TLL1: variants seen among roughly 807,000 people sequenced by gnomAD.
The protein encoded by TLL1 is tolloid-like protein 1.
Under a neutral mutation model 128.2 loss-of-function variants are expected in TLL1, and 49 were observed. The ratio of observed to expected loss-of-function variants is 0.38; its 90% CI spans 0.30 to 0.48. The LOEUF (loss-of-function observed/expected upper bound fraction) is 0.48, where lower values mean the gene tolerates loss of function less well. Among genes scored for constraint, TLL1 ranks in the 20% least tolerant of loss-of-function variants. The pLI is 0.96. For synonymous variants in TLL1, 454 were observed against 418.8 expected, an observed-to-expected ratio of 1.08 and a Z score of -1.03; for missense variants, 1,123 against 1,242.0, an observed-to-expected ratio of 0.90 and a Z score of 1.44.
chr4:166,092,068 AG>A, intron 19 of TLL1, among the ~76,000 whole-genome samples: 1 of 152,110 alleles, frequency 6.6e-6, no homozygotes, highest in East Asian at 1.9e-4. Flanking sequence ...AATGTATATT[AG>A]CTAGTCATTT....
intron 9 of TLL1, among the ~76,000 whole-genome samples, chr4:166,033,837 G>GTA (rs1235388197): frequency 6.6e-6 from 1 of 152,110 alleles, no homozygotes; most frequent in Non-Finnish European, 1.5e-5. Context: ...GAAGCGCATG[G>GTA]TATTGATTCT....
At position 165,874,270 on chromosome 4, in the gene TLL1, C is replaced by CTGTG. The variant is rs201398306; in HGVS notation, c.169+198_169+201dup. On this transcript the variant is annotated intron_variant, in intron 1 of 20. Coordinates refer to ENST00000061240, the MANE Select transcript of TLL1 (RefSeq NM_012464.5). Reference sequence around the variant, plus strand: ...GCTGCGGCCCCAGTTGACTAGAGTTCTGTGCCAGTGGGATCCACTGCCAAG... The same window carrying CTGTG: ...GCTGCGGCCCCAGTTGACTAGAGTTCTGTGTGTGCCAGTGGGATCCACTGCCAAG... 6.2e-3 allele frequency among the ~76,000 whole-genome samples: 940 copies of CTGTG among 151,954 alleles called. 14 individuals are homozygous for CTGTG. Among genetic ancestry groups the CTGTG allele is most frequent in the African/African-American group, 0.022 (915 of 41,416 alleles).
At chr4:166,072,822 TA>T in intron 16 of TLL1, among the ~76,000 whole-genome samples, 1 of 152,150 alleles carries the variant, frequency 6.6e-6, no homozygotes, top group South Asian at 2.1e-4. Context: ...TAGGTACCAA[TA>T]AAAGGGTGAT....
chr4:165,882,691 T>C (rs1731013195), intron 1 of TLL1, among the ~76,000 whole-genome samples: 1 of 152,116 alleles, frequency 6.6e-6, no homozygotes, highest in Non-Finnish European at 1.5e-5. Context: ...TGATCTCAGC[T>C]CACTGCAACC....
At chr4:165,964,346 G>A (rs1735265168) in intron 1 of TLL1, among the ~76,000 whole-genome samples, 1 of 152,154 alleles carries the variant, frequency 6.6e-6, no homozygotes, top group South Asian at 2.1e-4. Context: ...TTAGTTATGA[G>A]GATAATTATG....
intron 1 of TLL1, among the ~76,000 whole-genome samples, chr4:165,933,418 T>C (rs1733620670): frequency 1.3e-5 from 2 of 151,916 alleles, no homozygotes; most frequent in Non-Finnish European, 2.9e-5. Context: ...GGATGATGGG[T>C]GTGTGTCTCA....
intron 1 of TLL1, among the ~76,000 whole-genome samples, chr4:165,985,696 T>C (rs1014762176): frequency 1.3e-5 from 2 of 152,044 alleles, no homozygotes; most frequent in Non-Finnish European, 2.9e-5. Flanking sequence ...ATCACAATCT[T>C]GAATTGCTTA....
At chr4:166,002,423 T>C (rs1737213239) in intron 5 of TLL1, among the ~76,000 whole-genome samples, 1 of 152,126 alleles carries the variant, frequency 6.6e-6, no homozygotes, top group African/African-American at 2.4e-5. Flanking sequence ...AATTCATCTT[T>C]TGAAAATAAT....
chr4:166,088,424 G>C (rs1480342048), intron 18 of TLL1, among the ~76,000 whole-genome samples: 1 of 151,944 alleles, frequency 6.6e-6, no homozygotes, highest in Non-Finnish European at 1.5e-5. Context: ...AATATTTTCT[G>C]TTGATGTAAA....
rs921479209 is a variant in TLL1, at chr4:166,068,421, TCA to T, written c.2188+2559_2188+2560del. Among the ~76,000 whole-genome samples the T allele has an allele frequency of 2.6e-5, 4 of 151,978 alleles. No individual in the cohort carries two copies. The East Asian group carries it at 7.7e-4, about 29-fold the overall frequency. On this transcript the variant is annotated intron_variant, in intron 16 of 20. Transcript: ENST00000061240. The stretch of plus-strand genomic sequence containing the variant: ...ATGCTTTCAGTGTGATAATATATAA[TCA>T]TATGTCAAAAGCCAAGTAATTCACT...
intron 11 of TLL1, among the ~76,000 whole-genome samples, chr4:166,042,745 T>C (rs967758578): frequency 2.0e-5 from 3 of 152,212 alleles, no homozygotes; most frequent in Non-Finnish European, 2.9e-5. Context: ...ACAGAAGATT[T>C]CTGCTTCCCT....
chr4:166,097,259 G>A (rs539571962), intron 19 of TLL1, among the ~76,000 whole-genome samples: 5 of 152,214 alleles, frequency 3.3e-5, no homozygotes, highest in East Asian at 1.9e-4. Context: ...GAAAACCACC[G>A]TAGTGGGAAA....
intron 1 of TLL1, among the ~76,000 whole-genome samples, chr4:165,888,317 A>G (rs1731252278): frequency 6.6e-6 from 1 of 152,278 alleles, no homozygotes; most frequent in Middle Eastern, 3.4e-3. Context: ...AAAATGATAT[A>G]ATTATCCTTA....
intron 1 of TLL1, among the ~76,000 whole-genome samples, chr4:165,953,356 C>T (rs944452157): frequency 1.3e-5 from 2 of 151,908 alleles, no homozygotes; most frequent in East Asian, 1.9e-4. Context: ...TGCTGCAGCT[C>T]CCCCATGCTT....
intron 1 of TLL1, among the ~76,000 whole-genome samples, chr4:165,959,072 T>C (rs1490855273): frequency 6.8e-6 from 1 of 147,760 alleles, no homozygotes; most frequent in East Asian, 2.0e-4. Flanking sequence ...TTGATCTATA[T>C]CTCTGTTTTG....
chr4:165,998,080 CCTT>C (rs1424525492), intron 5 of TLL1, among the ~76,000 whole-genome samples: 1 of 152,086 alleles, frequency 6.6e-6, no homozygotes, highest in Admixed American at 6.6e-5. Context: ...TCTCTAACTG[CCTT>C]CTTATTTCTT....
chr4:166,056,393 T>A (rs552262182), intron 13 of TLL1, among the ~76,000 whole-genome samples: 10 of 151,448 alleles, frequency 6.6e-5, no homozygotes, highest in African/African-American at 2.2e-4. Context: ...TATTATATAT[T>A]GTATATATAT....
At chr4:165,940,372 T>A (rs28669377) in intron 1 of TLL1, among the ~76,000 whole-genome samples, 87,194 of 151,704 alleles carry the variant, frequency 0.57, 27,949 homozygotes, top group African/African-American at 0.87. Flanking sequence ...CTTTCTAATA[T>A]GAGTTATACA....
At position 165,874,042 on chromosome 4, in the gene TLL1, G is replaced by T. The variant is rs1730613104; in HGVS notation, c.138G>T (p.Glu46Asp). The change falls in exon 1 of 21, where the codon GAG (glutamate) becomes GAT (aspartate). Residue 46 changes from glutamate to aspartate, a missense_variant. Coordinates refer to ENST00000061240, the MANE Select transcript of TLL1 (RefSeq NM_012464.5). The part of the protein sequence containing the change: ...TFDGNEEDKT[E>D]TIDYKDPCKA... ...ATGGGAACGAAGAGGATAAAACAGA[G>T]ACTATAGATTACAAGGACCCGTGTA... is the stretch of plus-strand genomic sequence containing the variant. 6.2e-7 allele frequency: 1 copy of T among 1,614,150 alleles called. No individual in the cohort carries two copies.
Sources: allele counts gnomAD v4.1 joint callset (sites outside exome capture counted in the v4.1 genomes callset), GRCh38; gene constraint gnomAD v4.1.1; transcripts MANE v1.5; gene names NCBI Gene and HGNC (gene_info 2026-07-23, HGNC 2026-07-21).